Variants in MARCHF1 observed in about 807,000 individuals in gnomAD.
MARCHF1 encodes membrane associated ring-CH-type finger 1, also known as E3 ubiquitin-protein ligase MARCHF1.
MARCHF1 carries 40 observed loss-of-function variants against 54.2 expected under a neutral mutation model. The observed-to-expected ratio is 0.74, with a 90% CI of 0.57 to 0.96. MARCHF1 has a LOEUF of 0.96. MARCHF1 is among the 40% of genes least tolerant of loss of function. MARCHF1 has a pLI of 0.00. For synonymous variants in MARCHF1, 236 were observed against 236.3 expected, an observed-to-expected ratio of 1.00 and a Z score of 0.01; for missense variants, 586 against 656.5, an observed-to-expected ratio of 0.89 and a Z score of 1.17.
chr4:164,237,979 T>C (rs1398809649), intron 1 of MARCHF1, among the ~76,000 whole-genome samples: 4 of 152,094 alleles, frequency 2.6e-5, no homozygotes, highest in Non-Finnish European at 5.9e-5. Flanking sequence ...TATTGATTTA[T>C]CTATACATGG....
chr4:164,198,763 G>C (rs1285648530), intron 1 of MARCHF1, among the ~76,000 whole-genome samples: 2 of 152,086 alleles, frequency 1.3e-5, no homozygotes, highest in East Asian at 3.9e-4. Flanking sequence ...CAGTGAATTG[G>C]GAATAGAAGT....
In MARCHF1 at chr4:163,528,351, T is replaced by C. The variant is rs2110848273; in HGVS notation, c.*397A>G. 1 of 165,258 alleles carries C rather than the reference T, an allele frequency of 6.1e-6. No homozygotes were observed. The highest frequency in any genetic ancestry group is 1.3e-5 in the Non-Finnish European group (1 of 76,650). 10.2% of individuals were successfully genotyped at this position (165,258 alleles called of 1,614,324 possible). A position where few individuals can be genotyped will look rare whatever the true frequency, so the allele number is the denominator to read the frequency against. On this transcript the variant is annotated 3_prime_UTR_variant, in exon 10 of 10. Coordinates refer to ENST00000514618, the MANE Select transcript of MARCHF1 (RefSeq NM_001394959.1). ...TTATTTCCAGATGAGACAGTTAACA[T>C]TACAAGGCCCTAGAAGTAATACACA...
At chr4:163,739,712 A>G (rs1273534388) in intron 4 of MARCHF1, among the ~76,000 whole-genome samples, 3 of 152,232 alleles carry the variant, frequency 2.0e-5, no homozygotes, top group Non-Finnish European at 4.4e-5. Context: ...ATTTTCAGTT[A>G]TATTTAATCA....
At chr4:164,259,544 C>CAAAAAAAAAAAAAAAAAAAAAA (rs141030578) in intron 1 of MARCHF1, among the ~76,000 whole-genome samples, 4 of 58,950 alleles carry the variant, frequency 6.8e-5, no homozygotes, top group African/African-American at 1.1e-4. Flanking sequence ...GACCGTGTCT[C>CAAAAAAAAAAAAAAAAAAAAAA]AAAAAAAAAA....
rs118147245 is a variant in MARCHF1 at position 163,661,874 on chromosome 4, G to A, written c.162+38939C>T. ...TTTTATACAAATCTAATTACATAGC[G>A]TAGGACAGACTTTAATTTTTGAAAA... On this transcript the variant is annotated intron_variant, in intron 5 of 9. Coordinates refer to ENST00000514618, the MANE Select transcript of MARCHF1 (RefSeq NM_001394959.1). Among the ~76,000 whole-genome samples, 21 of 152,098 alleles carry A rather than the reference G, an allele frequency of 1.4e-4. No homozygotes were observed. The East Asian group carries it at 3.3e-3, about 24-fold the overall frequency.
At chr4:163,667,386 G>A (rs529241776) in intron 5 of MARCHF1, among the ~76,000 whole-genome samples, 7 of 151,864 alleles carry the variant, frequency 4.6e-5, no homozygotes, top group South Asian at 2.1e-4. Context: ...TGATATCTTC[G>A]ACAACAACAA....
In MARCHF1 at chr4:164,197,717, G is replaced by A. The variant is rs752655431; in HGVS notation, c.-322-86055C>T. ...ATCCGTCTGCCCATCTCCATCTCTCGCGCTCTCTGTCTGCAGAGGCTCTCG... is the reference window on the plus strand; with the variant it reads ...ATCCGTCTGCCCATCTCCATCTCTCACGCTCTCTGTCTGCAGAGGCTCTCG... On this transcript the variant is annotated intron_variant, in intron 1 of 9. Coordinates refer to ENST00000514618, the MANE Select transcript of MARCHF1 (RefSeq NM_001394959.1). The A allele has an allele frequency of 4.3e-6, 7 of 1,611,446 alleles. No individual in the cohort carries two copies. In the East Asian group the frequency reaches 6.7e-5, roughly 15 times the overall value.
chr4:163,932,495 T>C, intron 3 of MARCHF1: 1 of 362,858 alleles, frequency 2.8e-6, no homozygotes, highest in Non-Finnish European at 5.4e-6. Flanking sequence ...AAATTCCATC[T>C]CAACAAACTA....
intron 2 of MARCHF1, among the ~76,000 whole-genome samples, chr4:164,080,648 T>TTGTGTG (rs199734198): frequency 1.3e-3 from 195 of 150,106 alleles, no homozygotes; most frequent in African/African-American, 4.5e-3. Flanking sequence ...TAGTATTCTA[T>TTGTGTG]TGTGTGTGTG....
intron 8 of MARCHF1, among the ~76,000 whole-genome samples, chr4:163,547,787 A>C (rs1049937211): frequency 6.6e-6 from 1 of 152,246 alleles, no homozygotes; most frequent in Non-Finnish European, 1.5e-5. Context: ...TAAACATTTT[A>C]GAGAAAGAAA....
chr4:164,038,420 G>C (rs1754057058), intron 2 of MARCHF1, among the ~76,000 whole-genome samples: 1 of 152,238 alleles, frequency 6.6e-6, no homozygotes, highest in Admixed American at 6.5e-5. Flanking sequence ...GTGAACCCGG[G>C]AGGTGGAGGT....
chr4:163,675,747 C>A (rs541484786), intron 5 of MARCHF1, among the ~76,000 whole-genome samples: 3 of 152,238 alleles, frequency 2.0e-5, no homozygotes, highest in Admixed American at 2.0e-4. Flanking sequence ...ACCAAACTGG[C>A]CTTCCATGGT....
At position 164,062,587 on chromosome 4, in the gene MARCHF1, C is replaced by T. The variant is rs182649325; in HGVS notation, c.-248+49001G>A. ...TTGCCCAGGCTGGAGTGCAGTGGCG[C>T]GATCTCGGCTCACTGCAACCTCCAC... On this transcript the variant is annotated intron_variant, in intron 2 of 9. Transcript: ENST00000514618. Among the ~76,000 whole-genome samples, 360 of 152,140 alleles carry T rather than the reference C, an allele frequency of 2.4e-3. 2 individuals are homozygous for T. The highest frequency in any genetic ancestry group is 6.3e-3 in the African/African-American group (260 of 41,506).
At chr4:164,107,121 C>T (rs193171077) in intron 2 of MARCHF1, among the ~76,000 whole-genome samples, 9 of 152,184 alleles carry the variant, frequency 5.9e-5, no homozygotes, top group African/African-American at 2.2e-4. Flanking sequence ...AAGCTATGTG[C>T]TAAAATGCTA....
intron 5 of MARCHF1, among the ~76,000 whole-genome samples, chr4:163,700,431 G>A (rs1744771053): frequency 2.0e-5 from 3 of 151,864 alleles, no homozygotes; most frequent in Admixed American, 6.6e-5. Context: ...CTTGAACCCA[G>A]AAGGCGGAGG....
intron 5 of MARCHF1, among the ~76,000 whole-genome samples, chr4:163,627,810 T>C (rs1741924231): frequency 6.6e-6 from 1 of 151,502 alleles, no homozygotes; most frequent in African/African-American, 2.4e-5. Flanking sequence ...ACTACAAAGC[T>C]GCAAGATAAC....
At chr4:164,065,010 A>G (rs1754697034) in intron 2 of MARCHF1, among the ~76,000 whole-genome samples, 1 of 152,176 alleles carries the variant, frequency 6.6e-6, no homozygotes, top group Non-Finnish European at 1.5e-5. Flanking sequence ...CAGCTTGATC[A>G]TAGTGGGTGA....
intron 4 of MARCHF1, among the ~76,000 whole-genome samples, chr4:163,811,862 G>A (rs1243684844): frequency 3.3e-5 from 5 of 152,090 alleles, no homozygotes; most frequent in African/African-American, 1.2e-4. Flanking sequence ...CTGGGCCATG[G>A]GATGTCTTGA....
In MARCHF1 at chr4:163,700,877, T is replaced by A; in HGVS notation, c.112-14A>T. The A allele has an allele frequency of 1.3e-6, 2 of 1,527,358 alleles. No individual in the cohort carries two copies. The highest frequency in any genetic ancestry group is 1.8e-6 in the Non-Finnish European group (2 of 1,138,178). 94.6% of individuals were successfully genotyped at this position (1,527,358 alleles called of 1,614,324 possible). A position where few individuals can be genotyped will look rare whatever the true frequency, so the allele number is the denominator to read the frequency against. On this transcript the variant is annotated splice_polypyrimidine_tract_variant and intron_variant, in intron 4 of 9. Transcript: ENST00000514618. ...GGATTTTTCATTCTGAAAAATAAAA[T>A]GGGAAACATTAATTAAAAGAAGGTA...
Sources: gnomAD v4.1 joint callset for allele counts (sites outside exome capture counted in the v4.1 genomes callset) on GRCh38, gnomAD v4.1.1 for gene constraint, MANE v1.5 for transcripts, NCBI Gene and HGNC (gene_info 2026-07-23, HGNC 2026-07-21) for gene names.